GALNT10: variants seen among roughly 807,000 people sequenced by gnomAD.
GALNT10 encodes the protein GalNAc transferase 10.
Under a neutral mutation model 75.0 loss-of-function variants are expected in GALNT10, and 41 were observed. That is an observed-to-expected ratio of 0.55 (90% CI 0.43 to 0.71). The LOEUF (loss-of-function observed/expected upper bound fraction) is 0.71, where lower values mean the gene tolerates loss of function less well. GALNT10 is among the 30% of genes least tolerant of loss of function. The pLI, the probability that GALNT10 is intolerant of heterozygous loss-of-function variation, is 0.00. For missense variants in GALNT10, 727 were observed against 818.5 expected (o/e 0.89, Z 1.36); for synonymous variants, 302 against 313.0 (o/e 0.96, Z 0.37).
At chr5:154,246,095 G>T (rs1450924806) in intron 1 of GALNT10, among the ~76,000 whole-genome samples, 1 of 151,822 alleles carries the variant, frequency 6.6e-6, no homozygotes, top group African/African-American at 2.4e-5. Context: ...TGCTGAGAAT[G>T]ATGGTTTCCA....
chr5:154,226,115 A>G (rs13170511), intron 1 of GALNT10, among the ~76,000 whole-genome samples: 66,988 of 151,710 alleles, frequency 0.44, 15,576 homozygotes, highest in East Asian at 0.84. Flanking sequence ...CACATGTACC[A>G]TAAAACTTAA....
chr5:154,200,703 A>G (rs978566775), intron 1 of GALNT10, among the ~76,000 whole-genome samples: 4 of 152,214 alleles, frequency 2.6e-5, no homozygotes, highest in African/African-American at 9.6e-5. Flanking sequence ...TTTATTAATA[A>G]TAAACTTTAA....
chr5:154,391,565 G>A (rs567381201), intron 7 of GALNT10, among the ~76,000 whole-genome samples: 2 of 152,320 alleles, frequency 1.3e-5, no homozygotes, highest in East Asian at 3.9e-4. Flanking sequence ...CCTAGCTCCA[G>A]CTAGGTTCAT....
chr5:154,416,586 A>G lies in GALNT10; in HGVS notation c.1654-228A>G, dbSNP rs567060878. On this transcript the variant is annotated intron_variant, in intron 11 of 11. Coordinates refer to ENST00000297107, the MANE Select transcript of GALNT10 (RefSeq NM_198321.4). The surrounding 1 kb of genome is among the most constrained non-coding windows in gnomAD (Gnocchi z 4.5). ...GGTCCCAGGCCTGGAAGCTGCGTGCATCACTTCTGGCCACATCCCAGCGGG... is the reference window on the plus strand; with the variant it reads ...GGTCCCAGGCCTGGAAGCTGCGTGCGTCACTTCTGGCCACATCCCAGCGGG... Among the ~76,000 whole-genome samples the G allele has an allele frequency of 6.6e-6, 1 of 151,784 alleles. No individual in the cohort carries two copies. Among genetic ancestry groups the G allele is most frequent in the East Asian group, 1.9e-4 (1 of 5,154 alleles).
chr5:154,201,884 G>A (rs755098681), intron 1 of GALNT10, among the ~76,000 whole-genome samples: 2 of 151,548 alleles, frequency 1.3e-5, no homozygotes, highest in African/African-American at 4.9e-5. Flanking sequence ...AGCTGAGATC[G>A]CACCACTGCA....
intron 4 of GALNT10, among the ~76,000 whole-genome samples, chr5:154,372,878 C>T (rs79079169): frequency 0.011 from 1,682 of 152,322 alleles, 22 homozygotes; most frequent in African/African-American, 0.039. Flanking sequence ...GATAAGTGCT[C>T]ATCTAACACC....
At chr5:154,355,801 T>C (rs1016769649) in intron 4 of GALNT10, among the ~76,000 whole-genome samples, 3 of 152,146 alleles carry the variant, frequency 2.0e-5, no homozygotes, top group Non-Finnish European at 4.4e-5. Flanking sequence ...TCTCACTACA[T>C]CCAGTGAACA....
intron 4 of GALNT10, chr5:154,347,171 G>GTATA (rs1179835339): frequency 1.8e-5 from 9 of 510,872 alleles, no homozygotes; most frequent in South Asian, 2.9e-5. Context: ...TGGCATTGTT[G>GTATA]TCTGGCATTG....
At chr5:154,348,760 C>G (rs1334128794) in intron 4 of GALNT10, among the ~76,000 whole-genome samples, 2 of 152,160 alleles carry the variant, frequency 1.3e-5, no homozygotes, top group Non-Finnish European at 2.9e-5. Context: ...TCCTAGGACC[C>G]TATGATGACT....
chr5:154,230,599 T>G (rs1186127884), intron 1 of GALNT10, among the ~76,000 whole-genome samples: 2 of 152,250 alleles, frequency 1.3e-5, no homozygotes, highest in Non-Finnish European at 2.9e-5. Context: ...CTGATGGGAC[T>G]AGAGAGATAA....
chr5:154,391,921 C>T (rs772267946), intron 7 of GALNT10, among the ~76,000 whole-genome samples: 4 of 152,160 alleles, frequency 2.6e-5, no homozygotes, highest in Non-Finnish European at 4.4e-5. Context: ...GTCTCATTGG[C>T]CTGCTGGCCC....
intron 1 of GALNT10, among the ~76,000 whole-genome samples, chr5:154,285,530 C>T (rs531537594): frequency 2.0e-5 from 3 of 152,228 alleles, no homozygotes; most frequent in South Asian, 4.1e-4. Context: ...ATGAACTTCT[C>T]ACCTGACTGT....
intron 8 of GALNT10, among the ~76,000 whole-genome samples, chr5:154,407,200 A>G (rs542898888): frequency 2.0e-5 from 3 of 152,334 alleles, no homozygotes; most frequent in African/African-American, 7.2e-5. Flanking sequence ...AAGCACAAGA[A>G]GTACAGTTGG....
intron 3 of GALNT10, among the ~76,000 whole-genome samples, chr5:154,310,992 G>T (rs1013828508): frequency 2.0e-5 from 3 of 152,142 alleles, no homozygotes; most frequent in Admixed American, 1.3e-4. Flanking sequence ...AGTGAATTCA[G>T]CCCTGAAGTT....
At chr5:154,323,622 G>A (rs917141588) in intron 3 of GALNT10, among the ~76,000 whole-genome samples, 4 of 152,206 alleles carry the variant, frequency 2.6e-5, no homozygotes, top group African/African-American at 9.7e-5. Flanking sequence ...GGTATGGACA[G>A]GGAGGTCAGG....
rs1436560708 is a variant in GALNT10 at position 154,417,920 on chromosome 5, A to G, written c.*948A>G. 6.6e-6 allele frequency: 1 copy of G among 152,226 alleles called. No homozygotes were observed. The highest frequency in any genetic ancestry group is 1.5e-5 in the Non-Finnish European group (1 of 68,054). 9.4% of individuals were successfully genotyped at this position (152,226 alleles called of 1,614,324 possible). On this transcript the variant is annotated 3_prime_UTR_variant, in exon 12 of 12. Transcript: ENST00000297107. ...AGGTGCTGCGAGGTGCTCACCTCAC[A>G]GAGTCTGGAGGCCTCCAGGATCAAC...
At chr5:154,284,932 C>A (rs773911061) in intron 1 of GALNT10, among the ~76,000 whole-genome samples, 1 of 152,152 alleles carries the variant, frequency 6.6e-6, no homozygotes, top group African/African-American at 2.4e-5. Flanking sequence ...ATAATATAGT[C>A]AAGTCTAATC....
chr5:154,381,500 G>C (rs188650559), intron 6 of GALNT10, among the ~76,000 whole-genome samples: 12 of 152,344 alleles, frequency 7.9e-5, no homozygotes, highest in Non-Finnish European at 1.6e-4. Context: ...CGAAGCCCAA[G>C]CTCTCCCGCT....
At chr5:154,338,409 G>A (rs753652383) in intron 4 of GALNT10, 24 of 399,428 alleles carry the variant, frequency 6.0e-5, no homozygotes, top group Non-Finnish European at 1.1e-4. Flanking sequence ...AATGAAAAGT[G>A]TCCTCAGCTG....
Sources: allele counts gnomAD v4.1 joint callset (sites outside exome capture counted in the v4.1 genomes callset), GRCh38; gene constraint gnomAD v4.1.1; non-coding constraint Gnocchi (gnomAD v3.1); transcripts MANE v1.5; gene names NCBI Gene and HGNC (gene_info 2026-07-23, HGNC 2026-07-21).